TBC1D5: variants seen among roughly 807,000 people sequenced by gnomAD.
The protein encoded by TBC1D5 is TBC1 domain family member 5, also known as TBC1 domain family, member 5.
In TBC1D5, 75 loss-of-function variants were observed where a neutral mutation model predicts 100.3. That is an observed-to-expected ratio of 0.75 (90% CI 0.62 to 0.91). TBC1D5 has a LOEUF of 0.91. Among genes scored for constraint, TBC1D5 ranks in the 40% least tolerant of loss-of-function variants. The pLI is 0.00. For missense variants in TBC1D5, 910 were observed against 942.4 expected (o/e 0.97, Z 0.45); for synonymous variants, 323 against 325.6 (o/e 0.99, Z 0.09).
At chr3:17,639,555 G>C (rs2064302531) in intron 1 of TBC1D5, among the ~76,000 whole-genome samples, 1 of 151,704 alleles carries the variant, frequency 6.6e-6, no homozygotes, top group African/African-American at 2.4e-5. Context: ...CCTCACCAAA[G>C]ATAACTTTTT....
chr3:17,275,902 T>C (rs150880202), intron 15 of TBC1D5, among the ~76,000 whole-genome samples: 3 of 152,322 alleles, frequency 2.0e-5, no homozygotes, highest in Admixed American at 6.5e-5. Flanking sequence ...TTCTACCTGA[T>C]ACCAGGTACT....
intron 9 of TBC1D5, among the ~76,000 whole-genome samples, chr3:17,378,128 A>G (rs2092784543): frequency 6.6e-6 from 1 of 151,910 alleles, no homozygotes; most frequent in African/African-American, 2.4e-5. Flanking sequence ...CAAAATAAGA[A>G]AATGATAAAG....
intron 1 of TBC1D5, among the ~76,000 whole-genome samples, chr3:17,645,505 T>C (rs1301175187): frequency 3.3e-5 from 5 of 152,122 alleles, no homozygotes; most frequent in Non-Finnish European, 5.9e-5. Context: ...ATCCAGACAT[T>C]ACTAGAATTG....
chr3:17,459,003 CATAAGA>C (rs1477737855), intron 3 of TBC1D5, among the ~76,000 whole-genome samples: 1 of 152,088 alleles, frequency 6.6e-6, no homozygotes, highest in Non-Finnish European at 1.5e-5. Context: ...AATTTCTAAC[CATAAGA>C]ATGAGTACAT....
chr3:17,742,624 G>C (rs537524064), upstream of TBC1D5: 65 of 152,292 alleles, frequency 4.3e-4, no homozygotes, highest in African/African-American at 1.5e-3. Flanking sequence ...AGGGCGGGAG[G>C]GGGTGGCGGC....
chr3:17,463,943 C>CTTTTTT (rs1025162858), intron 3 of TBC1D5, among the ~76,000 whole-genome samples: 131 of 87,480 alleles, frequency 1.5e-3, no homozygotes, highest in African/African-American at 1.9e-3. Flanking sequence ...TTCCTTATTC[C>CTTTTTT]TTTTTTTTTT....
intron 1 of TBC1D5, among the ~76,000 whole-genome samples, chr3:17,676,109 C>T (rs1253754942): frequency 1.3e-5 from 2 of 152,048 alleles, no homozygotes; most frequent in African/African-American, 2.4e-5. Context: ...AGGATGACAA[C>T]AGTATTAATA....
chr3:17,293,702 A>G (rs1005033365), intron 14 of TBC1D5, among the ~76,000 whole-genome samples: 1 of 152,200 alleles, frequency 6.6e-6, no homozygotes, highest in African/African-American at 2.4e-5. Flanking sequence ...ATGCTAGGGG[A>G]GCACGTAGAG....
At chr3:17,715,730 A>T (rs1376405645) in intron 1 of TBC1D5, among the ~76,000 whole-genome samples, 1 of 151,836 alleles carries the variant, frequency 6.6e-6, no homozygotes, top group Non-Finnish European at 1.5e-5. Context: ...TGAGCCCACG[A>T]GTTTGAAATT....
intron 1 of TBC1D5, among the ~76,000 whole-genome samples, chr3:17,701,482 A>T (rs538647002): frequency 2.6e-5 from 4 of 152,040 alleles, no homozygotes; most frequent in South Asian, 2.1e-4. Flanking sequence ...TAATAATAAT[A>T]AAAAAAAGTC....
At chr3:17,222,157 G>A (rs1327608300) in intron 17 of TBC1D5, among the ~76,000 whole-genome samples, 3 of 151,998 alleles carry the variant, frequency 2.0e-5, no homozygotes, top group Non-Finnish European at 4.4e-5. Flanking sequence ...TACTTTAGTT[G>A]TATTCTGATG....
intron 13 of TBC1D5, among the ~76,000 whole-genome samples, chr3:17,336,217 A>C (rs2087765134): frequency 6.6e-6 from 1 of 152,132 alleles, no homozygotes; most frequent in Admixed American, 6.6e-5. Flanking sequence ...CATGTGAGCT[A>C]AACACTATGC....
At chr3:17,339,062 T>A (rs2088422476) in intron 13 of TBC1D5, among the ~76,000 whole-genome samples, 1 of 152,186 alleles carries the variant, frequency 6.6e-6, no homozygotes, top group Admixed American at 6.5e-5. Context: ...CAAATTATTT[T>A]TGAAGAAAAG....
chr3:17,564,587 T>C (rs562848412), intron 2 of TBC1D5, among the ~76,000 whole-genome samples: 1 of 152,048 alleles, frequency 6.6e-6, no homozygotes, highest in African/African-American at 2.4e-5. Flanking sequence ...AAGAAGGAGG[T>C]AGGAGTTCCA....
chr3:17,367,704 C>T (rs1468573100), intron 13 of TBC1D5, among the ~76,000 whole-genome samples: 1 of 151,782 alleles, frequency 6.6e-6, no homozygotes, highest in African/African-American at 2.4e-5. Context: ...ACTGAAAATA[C>T]AAAAATTAGC....
chr3:17,601,957 G>A (rs1033717175), intron 2 of TBC1D5, among the ~76,000 whole-genome samples: 5 of 152,084 alleles, frequency 3.3e-5, no homozygotes, highest in African/African-American at 9.7e-5. Flanking sequence ...AGCCTCCTGA[G>A]TAGCTGGGAC....
intron 2 of TBC1D5, among the ~76,000 whole-genome samples, chr3:17,533,053 TCACA>T (rs149435699): frequency 7.1e-6 from 1 of 139,978 alleles, no homozygotes; most frequent in Non-Finnish European, 1.5e-5. Context: ...TGAGATCCTG[TCACA>T]CACACACACA....
chr3:17,702,430 G>A (rs768019205), intron 1 of TBC1D5: 9 of 151,970 alleles, frequency 5.9e-5, no homozygotes, highest in Non-Finnish European at 1.0e-4. Context: ...TGGAATCCTG[G>A]CTTTATAGAA....
intron 18 of TBC1D5, among the ~76,000 whole-genome samples, chr3:17,197,325 A>C (rs546686445): frequency 6.6e-6 from 1 of 151,152 alleles, no homozygotes; most frequent in South Asian, 2.1e-4. Context: ...CTTTTTTTTT[A>C]GTGTTGTACC....
Sources: gnomAD v4.1 joint callset for allele counts (sites outside exome capture counted in the v4.1 genomes callset) on GRCh38, gnomAD v4.1.1 for gene constraint, MANE v1.5 for transcripts, NCBI Gene and HGNC (gene_info 2026-07-23, HGNC 2026-07-21) for gene names.